The following PDE6B variants were observed in gnomAD, a reference collection of about 807,000 sequenced individuals.
PDE6B encodes rod cGMP-specific 3',5'-cyclic phosphodiesterase subunit beta.
Under a neutral mutation model 109.0 loss-of-function variants are expected in PDE6B, and 106 were observed. The observed-to-expected ratio is 0.97, with a 90% CI of 0.83 to 1.14. The LOEUF is 1.14. PDE6B is among the 50% of genes most tolerant of loss of function. The pLI, the probability that PDE6B is intolerant of heterozygous loss-of-function variation, is 0.00. For missense variants in PDE6B, 1,193 were observed against 1,155.6 expected (o/e 1.03, Z -0.47); for synonymous variants, 490 against 471.3 (o/e 1.04, Z -0.51).
rs1350180617 is a variant in PDE6B, at chr4:634,916, T to C, written c.621+87T>C. 556 of 1,058,658 alleles carry C rather than the reference T, an allele frequency of 5.3e-4. 4 individuals are homozygous for C. The highest frequency in any genetic ancestry group is 1.9e-3 in the African/African-American group (93 of 49,570). The allele number at this position is 1,058,658 out of a possible 1,614,324, so 65.6% of individuals were successfully genotyped here. On this transcript the variant is annotated intron_variant, in intron 2 of 21. Transcript: ENST00000496514. Reference sequence around the variant, plus strand: ...CTGTTCTGTGCTGCGCATCCACCTCTTTACCTGCCTGCCCGCCTGCCCGTG... The same window carrying C: ...CTGTTCTGTGCTGCGCATCCACCTCCTTACCTGCCTGCCCGCCTGCCCGTG...
chr4:646,443 G>A (rs1172984405), intron 3 of PDE6B, among the ~76,000 whole-genome samples: 1 of 151,910 alleles, frequency 6.6e-6, no homozygotes, highest in Non-Finnish European at 1.5e-5. Context: ...CTTAGGATCA[G>A]TTTTTTGGCA....
At chr4:657,916 C>CA (rs1311570488) in intron 10 of PDE6B, among the ~76,000 whole-genome samples, 1 of 110,376 alleles carries the variant, frequency 9.1e-6, no homozygotes, top group Non-Finnish European at 1.9e-5. Flanking sequence ...CTGTGTGGCA[C>CA]AGGCAGGTCG....
At chr4:632,693 GTCTC>G (rs1344432279) in intron 1 of PDE6B, among the ~76,000 whole-genome samples, 1 of 146,422 alleles carries the variant, frequency 6.8e-6, no homozygotes, top group African/African-American at 2.5e-5. Context: ...GTGTGGTGCT[GTCTC>G]AGGGTCACGT....
rs1560139649 is a variant in PDE6B, at chr4:666,704, C to T, written c.2352+90C>T. ...CGGGCTGGAGTCGCGTGGACTCACA[C>T]GGGCCCGGCGGTGTCCTCACTGGAG... On this transcript the variant is annotated intron_variant, in intron 20 of 21. Coordinates refer to ENST00000496514, the MANE Select transcript of PDE6B (RefSeq NM_000283.4). The surrounding 1 kb of genome is among the most constrained non-coding windows in gnomAD (Gnocchi z 5.6). 8.4e-6 allele frequency: 7 copies of T among 832,122 alleles called. No homozygotes were observed. The highest frequency in any genetic ancestry group is 5.0e-5 in the East Asian group (2 of 39,654). 51.5% of individuals were successfully genotyped at this position (832,122 alleles called of 1,614,324 possible).
intron 3 of PDE6B, chr4:652,004 C>CTCCACGACGGTGACTGCGGCCAGGGCGGT: frequency 5.6e-6 from 1 of 179,838 alleles, no homozygotes; most frequent in Non-Finnish European, 1.2e-5. Flanking sequence ...GCCAGGGCGG[C>CTCCACGACGGTGACTGCGGCCAGGGCGGT]TCCACGACGG....
chr4:631,794 T>G (rs1490382222), intron 1 of PDE6B, among the ~76,000 whole-genome samples: 1 of 149,848 alleles, frequency 6.7e-6, no homozygotes, highest in Non-Finnish European at 1.5e-5. Context: ...GATTTGTGTG[T>G]GGGACCATCA....
intron 12 of PDE6B, chr4:661,859 C>T (rs1184206303): frequency 1.0e-5 from 5 of 497,432 alleles, no homozygotes; most frequent in East Asian, 3.7e-5. Flanking sequence ...GCCAGGCAGT[C>T]GGATGGAGGC....
chr4:654,984 G>T, intron 6 of PDE6B, 96 bp downstream of exon 6: 1 of 825,370 alleles, frequency 1.2e-6, no homozygotes, highest in Non-Finnish European at 2.1e-6. Context: ...GGCTTCCCAC[G>T]GTGCAGTCAG....
In PDE6B at chr4:665,266, C is replaced by T. The variant is rs758074358; in HGVS notation, c.2205C>T (p.Leu735=). 2.4e-5 allele frequency: 38 copies of T among 1,612,270 alleles called. No individual in the cohort carries two copies. Among genetic ancestry groups the T allele is most frequent in the South Asian group, 7.7e-5 (7 of 91,060 alleles). ...TCCTGTGCCTCCAGGTCGCACTTCT[C>T]GTGGCTGCTGAGTTCTGGGAGCAAG... ...PWEVQSKVAL[L]VAAEFWEQGD... is the part of the protein sequence containing the mutation. The change falls in exon 19 of 22, where the codon CTC becomes CTT. Residue 735 remains leucine (L), a synonymous_variant. Coordinates refer to ENST00000496514, the MANE Select transcript of PDE6B (RefSeq NM_000283.4). The surrounding 1 kb of genome is among the most constrained non-coding windows in gnomAD (Gnocchi z 4.0).
intron 3 of PDE6B, among the ~76,000 whole-genome samples, chr4:643,183 C>T (rs965185341): frequency 6.6e-6 from 1 of 152,056 alleles, no homozygotes; most frequent in African/African-American, 2.4e-5. Context: ...TGGCAGACAT[C>T]TGTAGTCCCA....
At chr4:650,357 C>G (rs1181284530) in intron 3 of PDE6B, among the ~76,000 whole-genome samples, 3 of 152,238 alleles carry the variant, frequency 2.0e-5, no homozygotes, top group African/African-American at 7.2e-5. Context: ...TGTCCGGCCC[C>G]CCCTGTCCCC....
Position 634,839 on chromosome 4 carries a change from G to T in PDE6B, c.621+10G>T, listed in dbSNP as rs192490873. The T allele has an allele frequency of 1.9e-6, 3 of 1,612,952 alleles. No homozygotes were observed. The highest frequency in any genetic ancestry group is 2.5e-6 in the Non-Finnish European group (3 of 1,178,990). On this transcript the variant is annotated intron_variant, in intron 2 of 21. Transcript: ENST00000496514. ...CAGCGAAGACGAAGATGTGAGTGTG[G>T]GGGGCACCTGGGCAGCCGCGCGTCT...
chr4:664,260 C>T (rs375473357), intron 17 of PDE6B, 39 bp downstream of exon 17: 239 of 1,122,966 alleles, frequency 2.1e-4, no homozygotes, highest in Non-Finnish European at 3.2e-4. Context: ...GTCCTTCCCT[C>T]GCAGGGACCG....
Position 667,940 on chromosome 4 carries a change from G to A in PDE6B, c.2437G>A (p.Glu813Lys), listed in dbSNP as rs750174591. Reference sequence around the variant, plus strand: ...GAAAGAGTGGAAGGCGCTGGCTGATGAGTATGAGGCCAAAGTGAAGGCTCT... The same window carrying A: ...GAAAGAGTGGAAGGCGCTGGCTGATAAGTATGAGGCCAAAGTGAAGGCTCT... ...NRKEWKALAD[E>K]YEAKVKALEE... The change falls in exon 21 of 22, where the codon GAG becomes AAG. Residue 813 changes from glutamate to lysine, a missense_variant. Glu to Lys is a moderately conservative substitution (Grantham distance 56). Transcript: ENST00000496514. The A allele has an allele frequency of 3.1e-6, 5 of 1,613,324 alleles. No homozygotes were observed. Among genetic ancestry groups the A allele is most frequent in the Non-Finnish European group, 4.2e-6 (5 of 1,179,732 alleles).
At chr4:629,288 G>A (rs1734265097) in intron 1 of PDE6B, among the ~76,000 whole-genome samples, 2 of 152,190 alleles carry the variant, frequency 1.3e-5, no homozygotes, top group South Asian at 4.1e-4. Flanking sequence ...GAAGCCACCA[G>A]CCCCCCCATC....
intron 1 of PDE6B, among the ~76,000 whole-genome samples, chr4:629,869 T>C (rs1241752602): frequency 6.6e-6 from 1 of 152,082 alleles, no homozygotes. Flanking sequence ...GCTGCTCGGC[T>C]ATGTGAGCAC....
At position 653,899 on chromosome 4, in the gene PDE6B, C is replaced by T. The variant is rs776166987; in HGVS notation, c.759C>T (p.Ile253=). Residue 253 remains isoleucine, a synonymous_variant, in exon 4 of 22, where the codon ATC becomes ATT. Transcript: ENST00000496514. ...ANKVFEELTD[I]ERQFHKAFYT... ...AGGTGTTTGAGGAGCTGACGGACATCGAGAGGCAGTTCCACAAGGCCTTCT... is the reference window on the plus strand; with the variant it reads ...AGGTGTTTGAGGAGCTGACGGACATTGAGAGGCAGTTCCACAAGGCCTTCT... The T allele has an allele frequency of 1.2e-5, 19 of 1,613,668 alleles. No homozygotes were observed. The highest frequency in any genetic ancestry group is 2.7e-5 in the African/African-American group (2 of 74,914).
rs757587074 is a variant in PDE6B, at chr4:653,865, C to T, written c.725C>T (p.Ser242Leu). The T allele has an allele frequency of 8.7e-6, 14 of 1,613,676 alleles. No homozygotes were observed. In the East Asian group the frequency reaches 1.3e-4, roughly 15 times the overall value. ...ETRRGQVLLWSANKVFEELTD... is the reference protein window; with the variant it reads ...ETRRGQVLLWLANKVFEELTD... ...CCCTCCCTCCAGGTGCTGCTGTGGTCGGCCAACAAGGTGTTTGAGGAGCTG... is the reference window on the plus strand; with the variant it reads ...CCCTCCCTCCAGGTGCTGCTGTGGTTGGCCAACAAGGTGTTTGAGGAGCTG... Residue 242 changes from serine (S) to leucine (L), a missense_variant, in exon 4 of 22, where the codon TCG becomes TTG. By Grantham distance (145) the Ser-to-Leu change is moderately radical. Coordinates refer to ENST00000496514, the MANE Select transcript of PDE6B (RefSeq NM_000283.4).
At position 666,517 on chromosome 4, in the gene PDE6B, GTTCC is replaced by G; in HGVS notation, c.2269-12_2269-9del. The G allele has an allele frequency of 6.2e-7, 1 of 1,600,812 alleles. No individual in the cohort carries two copies. The highest frequency in any genetic ancestry group is 1.1e-5 in the South Asian group (1 of 90,824). On this transcript the variant is annotated splice_polypyrimidine_tract_variant and intron_variant, in intron 19 of 21. Coordinates refer to ENST00000496514, the MANE Select transcript of PDE6B (RefSeq NM_000283.4). This position sits in a 1 kb window ranked among gnomAD's most constrained non-coding sequence, Gnocchi z 5.6. ...CCTGGTCACTGTTCTCCCGCCCTCT[GTTCC>G]TCCCACCAGCCTATGATGGACCGGA... is the stretch of plus-strand genomic sequence containing the variant.
Sources: gnomAD v4.1 joint callset for allele counts (sites outside exome capture counted in the v4.1 genomes callset) on GRCh38, gnomAD v4.1.1 for gene constraint, Gnocchi (gnomAD v3.1) non-coding constraint, MANE v1.5 for transcripts, NCBI Gene and HGNC (gene_info 2026-07-23, HGNC 2026-07-21) for gene names.